VPS13C: variants seen among roughly 807,000 people sequenced by gnomAD.
VPS13C encodes the protein vacuolar protein sorting 13 homolog C.
A neutral mutation model predicts 456.8 loss-of-function variants in VPS13C; 358 were observed. The observed-to-expected ratio is 0.78, with a 90% CI of 0.72 to 0.86. The LOEUF (loss-of-function observed/expected upper bound fraction) is 0.86. Ranked by LOEUF, VPS13C falls within the 40% of genes least tolerant of loss-of-function variation. The pLI, the probability that VPS13C is intolerant of heterozygous loss-of-function variation, is 0.00. For synonymous variants in VPS13C, 1,578 were observed against 1,486.7 expected (o/e 1.06, Z -1.41); for missense variants, 4,818 against 4,385.4 (o/e 1.10, Z -2.79).
Position 62,033,477 on chromosome 15 carries a change from G to C in VPS13C, c.349C>G (p.Arg117Gly). ...GCTTTTTGAAGGGCTTCTTCAATTCGGGATAGCTCTTTCTGTTTAACATCC... is the reference window on the plus strand; with the variant it reads ...GCTTTTTGAAGGGCTTCTTCAATTCCGGATAGCTCTTTCTGTTTAACATCC... ...LQDVKQKELS[R>G]IEEALQKAAE... Residue 117 changes from arginine (R) to glycine (G), a missense_variant, in exon 5 of 85, where the codon CGA becomes GGA. Arg to Gly is a moderately radical substitution (Grantham distance 125). Transcript: ENST00000644861. The C allele has an allele frequency of 6.2e-7, 1 of 1,604,990 alleles. No homozygotes were observed. Among genetic ancestry groups the C allele is most frequent in the Non-Finnish European group, 8.5e-7 (1 of 1,175,238 alleles).
chr15:61,880,185 G>T (rs4283171), intron 73 of VPS13C, among the ~76,000 whole-genome samples: 59,303 of 151,952 alleles, frequency 0.39, 11,940 homozygotes, highest in Non-Finnish European at 0.43. Context: ...TTAGTTACAA[G>T]CAAATTTTGG....
intron 9 of VPS13C, among the ~76,000 whole-genome samples, chr15:62,014,683 C>G (rs527773134): frequency 2.0e-5 from 3 of 152,082 alleles, no homozygotes; most frequent in African/African-American, 7.2e-5. Flanking sequence ...GACAATGTGC[C>G]AAAAGCTTTA....
chr15:61,934,180 C>G, intron 49 of VPS13C, 39 bp downstream of exon 49: 1 of 1,397,302 alleles, frequency 7.2e-7, no homozygotes, highest in Non-Finnish European at 9.8e-7. Flanking sequence ...CTATCAAGAG[C>G]TAAGGATTTA....
chr15:62,012,019 G>A (rs935220545), intron 12 of VPS13C, 88 bp downstream of exon 12: 1 of 806,216 alleles, frequency 1.2e-6, no homozygotes, highest in African/African-American at 1.8e-5. Context: ...CTTTGACTAA[G>A]TAAGTTTATC....
Position 61,952,749 on chromosome 15 carries a change from T to C in VPS13C, c.4300-769A>G, listed in dbSNP as rs139557957. 7.5e-3 allele frequency among the ~76,000 whole-genome samples: 1,138 copies of C among 152,282 alleles called. 12 individuals are homozygous for C. Among genetic ancestry groups the C allele is most frequent in the African/African-American group, 0.026 (1,085 of 41,570 alleles). ...TGATTGATTGTTAGAGACAGGGTCT[T>C]GCTCTGTCACCCAGGCTGGAGTGCA... On this transcript the variant is annotated intron_variant, in intron 38 of 84. Transcript: ENST00000644861.
chr15:61,861,657 C>G (rs4775442), intron 82 of VPS13C, among the ~76,000 whole-genome samples: 1 of 151,806 alleles, frequency 6.6e-6, no homozygotes, highest in African/African-American at 2.4e-5. Context: ...CTGGCCAACA[C>G]AGTGAGAGAC....
In VPS13C at chr15:61,916,062, ACT is replaced by A. The variant is rs1223891776; in HGVS notation, c.8056-42_8056-41del. On this transcript the variant is annotated intron_variant, in intron 60 of 84. Transcript: ENST00000644861. ...AAATTCGCTGAGTAACTTTTTAAAA[ACT>A]CTGAAATAACAAAATTCTTATTTTT... is the stretch of plus-strand genomic sequence containing the variant. 5.9e-6 allele frequency: 9 copies of A among 1,513,988 alleles called. No individual in the cohort carries two copies. The African/African-American group carries it at 1.1e-4, about 19-fold the overall frequency. 93.8% of individuals were successfully genotyped at this position (1,513,988 alleles called of 1,614,324 possible).
At chr15:61,939,328 CCAAA>C (rs1459881669) in intron 47 of VPS13C, among the ~76,000 whole-genome samples, 14 of 152,202 alleles carry the variant, frequency 9.2e-5, no homozygotes, top group African/African-American at 2.6e-4. Flanking sequence ...CTATGAATGC[CCAAA>C]CAAACAAAAT....
intron 66 of VPS13C, among the ~76,000 whole-genome samples, chr15:61,890,978 C>G (rs1167860619): frequency 6.6e-6 from 1 of 152,122 alleles, no homozygotes; most frequent in African/African-American, 2.4e-5. Context: ...ACCCAGGAGA[C>G]AGAGGTTACA....
chr15:61,980,212 A>G lies in VPS13C; in HGVS notation c.2166+1130T>C, dbSNP rs201340025. 2.7e-3 allele frequency among the ~76,000 whole-genome samples: 383 copies of G among 139,666 alleles called. 2 individuals carry two copies. Among genetic ancestry groups the G allele is most frequent in the African/African-American group, 9.0e-3 (351 of 38,998 alleles). 91.6% of individuals were successfully genotyped at this position (139,666 alleles called of 152,430 possible). On this transcript the variant is annotated intron_variant, in intron 22 of 84. Transcript: ENST00000644861. ...AAAAAAAAAAAAAAAAAAAAAAAAA[A>G]AGAGAGAGAGAGATGAAACATGGCT...
chr15:62,026,912 A>C lies in VPS13C; in HGVS notation c.448+1446T>G, dbSNP rs568789115. Reference sequence around the variant, plus strand: ...GTGACTACTACTACAGTCTGGTGCCACTGCCTTGAATCATGCTAAGGCAGC... The same window carrying C: ...GTGACTACTACTACAGTCTGGTGCCCCTGCCTTGAATCATGCTAAGGCAGC... On this transcript the variant is annotated intron_variant, in intron 6 of 84. Transcript: ENST00000644861. 2.6e-5 allele frequency among the ~76,000 whole-genome samples: 4 copies of C among 152,244 alleles called. No homozygotes were observed. In the East Asian group the frequency reaches 7.7e-4, roughly 29 times the overall value.
chr15:62,040,264 T>G (rs1024935973), intron 3 of VPS13C, among the ~76,000 whole-genome samples: 1 of 152,070 alleles, frequency 6.6e-6, no homozygotes, highest in Non-Finnish European at 1.5e-5. Flanking sequence ...TTAGATAAAA[T>G]GAATAAGACC....
intron 60 of VPS13C, among the ~76,000 whole-genome samples, 179 bp downstream of exon 60, chr15:61,917,162 G>GT (rs2140166754): frequency 6.6e-6 from 1 of 152,264 alleles, no homozygotes; most frequent in South Asian, 2.1e-4. Flanking sequence ...AAAGCACACA[G>GT]AGCAGTTCCT....
At chr15:61,988,987 G>C (rs2046142379) in intron 18 of VPS13C, among the ~76,000 whole-genome samples, 1 of 151,920 alleles carries the variant, frequency 6.6e-6, no homozygotes, top group South Asian at 2.1e-4. Context: ...TTGCAATGAG[G>C]AAAGACTTTT....
At chr15:61,866,238 T>C (rs1894582555) in intron 81 of VPS13C, 3 of 984,822 alleles carry the variant, frequency 3.0e-6, no homozygotes, top group African/African-American at 3.5e-5. Flanking sequence ...ATAATCATTC[T>C]TTTTCTTCCA....
chr15:61,922,731 G>A lies in VPS13C; in HGVS notation c.6641C>T (p.Thr2214Ile). 1 of 1,610,940 alleles carries A rather than the reference G, an allele frequency of 6.2e-7. No individual in the cohort carries two copies. Among genetic ancestry groups the A allele is most frequent in the Non-Finnish European group, 8.5e-7 (1 of 1,178,938 alleles). The change falls in exon 54 of 85, where the codon ACA (threonine) becomes ATA (isoleucine). Residue 2214 changes from threonine to isoleucine, a missense_variant. Thr to Ile is a moderately conservative substitution (Grantham distance 89). This residue lies in a region of VPS13C where 4,552 missense variants were observed against 4,130.6 expected (regional missense o/e 1.10). Transcript: ENST00000644861. ...TTTTGGAGACAATGCAGCCATGATT[G>A]TCAACACAGTATTAAGAATTATGGG... ...ISPIILNTVL[T>I]IMAALSPKTK...
chr15:62,034,978 G>C lies in VPS13C; in HGVS notation c.262C>G (p.Leu88Val), dbSNP rs762151117. ...ATACTTGCTCCAGGGACAACAAGCA[G>C]GTATAATCCTTCCAGGGTCGCAACA... The part of the protein sequence containing the change: ...AVVATLEGLY[L>V]LVVPGASIKY... The change falls in exon 4 of 85, where the codon CTG becomes GTG. Residue 88 changes from leucine (L) to valine (V), a missense_variant. Leu to Val is a conservative substitution (Grantham distance 32). Around this residue, in one of 3 missense-constraint regions of VPS13C, gnomAD observed 4,552 missense variants for 4,130.6 expected, o/e 1.10. Transcript: ENST00000644861. 5.6e-6 allele frequency: 9 copies of C among 1,599,856 alleles called. No homozygotes were observed. In the East Asian group the frequency reaches 2.0e-4, roughly 36 times the overall value.
intron 81 of VPS13C, chr15:61,866,463 T>C: frequency 2.0e-6 from 2 of 984,650 alleles, no homozygotes; most frequent in Non-Finnish European, 2.4e-6. Context: ...ACAGGGGTTC[T>C]TAAAAGTAAG....
At chr15:61,878,809 C>A in intron 73 of VPS13C, 63 bp from the exon 74 acceptor site, 2 of 1,492,774 alleles carry the variant, frequency 1.3e-6, no homozygotes, top group Admixed American at 4.8e-5. Flanking sequence ...TATTTAGGAT[C>A]CAGGTAGTCC....
Sources: allele counts gnomAD v4.1 joint callset (sites outside exome capture counted in the v4.1 genomes callset), GRCh38; gene constraint gnomAD v4.1.1; regional missense constraint gnomAD v4.1.1; transcripts MANE v1.5; gene names NCBI Gene and HGNC (gene_info 2026-07-23, HGNC 2026-07-21).